Variants in EXOC6B observed in about 807,000 individuals in gnomAD.
The protein encoded by EXOC6B is SEC15 homolog B.
In EXOC6B, 54 loss-of-function variants were observed where a neutral mutation model predicts 113.5. That is an observed-to-expected ratio of 0.48 (90% confidence interval 0.38 to 0.60). The LOEUF is 0.60. Among genes scored for constraint, EXOC6B ranks in the 20% least tolerant of loss-of-function variants. The pLI is 0.00. For missense variants in EXOC6B, 797 were observed against 977.5 expected, an observed-to-expected ratio of 0.82 and a Z score of 2.46; for synonymous variants, 357 against 339.0, an observed-to-expected ratio of 1.05 and a Z score of -0.58.
At chr2:72,372,177 A>C (rs1400249381) in intron 19 of EXOC6B, among the ~76,000 whole-genome samples, 1 of 152,202 alleles carries the variant, frequency 6.6e-6, no homozygotes, top group Admixed American at 6.5e-5. Flanking sequence ...GACACACACA[A>C]AAAAATGCAA....
chr2:72,432,747 C>T lies in EXOC6B; in HGVS notation c.1980+32413G>A, dbSNP rs1033502408. ...CTTTTGAGAAGTGTCTGTTCATATC[C>T]TTCACCCACATTTTGATGGGGTTGT... On this transcript the variant is annotated intron_variant, in intron 18 of 21. Coordinates refer to ENST00000272427, the MANE Select transcript of EXOC6B (RefSeq NM_015189.3). 2.0e-5 allele frequency among the ~76,000 whole-genome samples: 3 copies of T among 152,250 alleles called. No homozygotes were observed. The East Asian group carries it at 5.8e-4, about 29-fold the overall frequency.
At chr2:72,697,458 G>A (rs1185043338) in intron 6 of EXOC6B, among the ~76,000 whole-genome samples, 1 of 152,036 alleles carries the variant, frequency 6.6e-6, no homozygotes, top group East Asian at 1.9e-4. Flanking sequence ...AGCCAAGGTA[G>A]GCAGATCGCT....
At chr2:72,509,771 C>T (rs1407425418) in intron 11 of EXOC6B, among the ~76,000 whole-genome samples, 1 of 151,916 alleles carries the variant, frequency 6.6e-6, no homozygotes, top group African/African-American at 2.4e-5. Context: ...TGAAGATATA[C>T]AAATGACATG....
chr2:72,692,035 G>A (rs1309535910), intron 6 of EXOC6B, among the ~76,000 whole-genome samples: 2 of 151,804 alleles, frequency 1.3e-5, no homozygotes, highest in South Asian at 2.1e-4. Context: ...CTGACATACT[G>A]TATAGTAACT....
chr2:72,451,098 GT>G (rs1259017986), intron 18 of EXOC6B, among the ~76,000 whole-genome samples: 1 of 152,120 alleles, frequency 6.6e-6, no homozygotes, highest in African/African-American at 2.4e-5. Flanking sequence ...CACTGTATCT[GT>G]TTTACAATAG....
intron 8 of EXOC6B, among the ~76,000 whole-genome samples, chr2:72,544,129 A>G (rs1389421376): frequency 6.6e-6 from 1 of 152,208 alleles, no homozygotes; most frequent in Non-Finnish European, 1.5e-5. Flanking sequence ...AGTCCATTTA[A>G]AATGAAAATA....
intron 19 of EXOC6B, among the ~76,000 whole-genome samples, chr2:72,356,805 G>A (rs999736188): frequency 2.6e-5 from 4 of 152,012 alleles, no homozygotes; most frequent in Non-Finnish European, 5.9e-5. Flanking sequence ...GTCATCTATG[G>A]TCAACCACTG....
At chr2:72,179,525 G>A in intron 21 of EXOC6B, 64 bp from the exon 22 acceptor site, 1 of 1,592,462 alleles carries the variant, frequency 6.3e-7, no homozygotes, top group East Asian at 2.2e-5. Flanking sequence ...AGGAGAACCT[G>A]CAGGAAGCAG....
At chr2:72,405,691 T>G (rs924395941) in intron 18 of EXOC6B, among the ~76,000 whole-genome samples, 2 of 152,000 alleles carry the variant, frequency 1.3e-5, no homozygotes, top group African/African-American at 4.8e-5. Flanking sequence ...CTACAAGAGC[T>G]CCTGAAGGAA....
chr2:72,494,847 A>C (rs1416993628), intron 15 of EXOC6B, among the ~76,000 whole-genome samples: 1 of 152,152 alleles, frequency 6.6e-6, no homozygotes, highest in Admixed American at 6.6e-5. Context: ...CATTAGCCAA[A>C]ATCTACGGTG....
chr2:72,713,616 T>C (rs1346295464), intron 6 of EXOC6B, among the ~76,000 whole-genome samples: 1 of 148,634 alleles, frequency 6.7e-6, no homozygotes, highest in African/African-American at 2.5e-5. Context: ...CAGAGTGTGA[T>C]GTTCCCCTTC....
chr2:72,311,004 C>T (rs1280694122), intron 20 of EXOC6B, among the ~76,000 whole-genome samples: 5 of 152,142 alleles, frequency 3.3e-5, no homozygotes, highest in Non-Finnish European at 7.4e-5. Flanking sequence ...TCAAACTCAG[C>T]TCTGTCTAAA....
chr2:72,219,356 G>A (rs1680728824), intron 20 of EXOC6B, among the ~76,000 whole-genome samples: 1 of 152,018 alleles, frequency 6.6e-6, no homozygotes, highest in East Asian at 1.9e-4. Context: ...CCAATGGTTT[G>A]GACAGCAGAA....
chr2:72,719,908 T>C (rs559050291), intron 5 of EXOC6B, among the ~76,000 whole-genome samples: 1 of 152,192 alleles, frequency 6.6e-6, no homozygotes, highest in Non-Finnish European at 1.5e-5. Flanking sequence ...TTTCTTAACT[T>C]CTTTAAAAGA....
intron 18 of EXOC6B, among the ~76,000 whole-genome samples, chr2:72,420,222 G>A (rs978816241): frequency 5.3e-5 from 8 of 151,256 alleles, no homozygotes; most frequent in Admixed American, 3.3e-4. Flanking sequence ...ACATTTTTGT[G>A]TAGTTCTTTG....
chr2:72,193,301 G>C (rs1459276674), intron 20 of EXOC6B, among the ~76,000 whole-genome samples: 1 of 152,094 alleles, frequency 6.6e-6, no homozygotes, highest in Non-Finnish European at 1.5e-5. Flanking sequence ...AAAAAGCATA[G>C]AATTGACCAA....
chr2:72,378,599 G>A (rs1352751592), intron 19 of EXOC6B, among the ~76,000 whole-genome samples: 2 of 152,158 alleles, frequency 1.3e-5, no homozygotes, highest in African/African-American at 2.4e-5. Flanking sequence ...TGTGATGGCT[G>A]TAACTAGAAG....
chr2:72,808,039 T>A (rs913977274), intron 1 of EXOC6B, among the ~76,000 whole-genome samples: 1 of 152,206 alleles, frequency 6.6e-6, no homozygotes, highest in Non-Finnish European at 1.5e-5. Flanking sequence ...ACACATTGCA[T>A]GTCTGTGTCA....
At chr2:72,626,865 T>C (rs990843563) in intron 6 of EXOC6B, among the ~76,000 whole-genome samples, 4 of 152,192 alleles carry the variant, frequency 2.6e-5, no homozygotes. Context: ...TAATATATAT[T>C]CAGTCTTATG....
Sources: gnomAD v4.1 joint callset for allele counts (sites outside exome capture counted in the v4.1 genomes callset) on GRCh38, gnomAD v4.1.1 for gene constraint, MANE v1.5 for transcripts, NCBI Gene and HGNC (gene_info 2026-07-23, HGNC 2026-07-21) for gene names.